The following ADHFE1 variants were observed in gnomAD, a reference collection of about 807,000 sequenced individuals.
The protein encoded by ADHFE1 is hydroxyacid-oxoacid transhydrogenase, mitochondrial.
In ADHFE1, 37 loss-of-function variants were observed where a neutral mutation model predicts 54.8. That is an observed-to-expected ratio of 0.68 (90% CI 0.52 to 0.89). ADHFE1 has a LOEUF of 0.89. Ranked by LOEUF, ADHFE1 falls within the 40% of genes least tolerant of loss-of-function variation. The probability of loss-of-function intolerance (pLI) is 0.00; values close to 1 mark genes in which losing one functional copy is unlikely to be tolerated. For synonymous variants in ADHFE1, 203 were observed against 229.3 expected (o/e 0.89, Z 1.04); for missense variants, 601 against 591.2 (o/e 1.02, Z -0.17).
chr8:66,459,732 A>C (rs1455546186), intron 12 of ADHFE1, among the ~76,000 whole-genome samples: 1 of 152,154 alleles, frequency 6.6e-6, no homozygotes, highest in Non-Finnish European at 1.5e-5. Context: ...TTGGCAACAG[A>C]ATCTAAAATT....
At chr8:66,456,794 T>C in intron 10 of ADHFE1, 23 bp from the exon 11 acceptor site, 3 of 1,573,308 alleles carry the variant, frequency 1.9e-6, no homozygotes, top group Non-Finnish European at 2.6e-6. Flanking sequence ...TGTATGAACA[T>C]AAGGATTTTC....
rs772246039 is a variant in ADHFE1, at chr8:66,451,993, C to A, written c.775C>A (p.Arg259=). 7 of 1,614,172 alleles carry A rather than the reference C, an allele frequency of 4.3e-6. No homozygotes were observed. Among genetic ancestry groups the A allele is most frequent in the Non-Finnish European group, 8.5e-7 (1 of 1,180,016 alleles). The change falls in exon 9 of 14, where the codon CGG becomes AGG. Residue 259 remains arginine (R), a synonymous_variant. Transcript: ENST00000396623. The part of the protein sequence containing the change: ...ESYTTLPYHL[R]SPCPSNPITR... The stretch of plus-strand genomic sequence containing the variant: ...ATACACCACCCTGCCCTACCACCTG[C>A]GGAGCCCCTGCCCTTCAAATCCCAT...
rs1282022008 is a variant in ADHFE1 at position 66,442,798 on chromosome 8, C to T, written c.98C>T (p.Ala33Val). 2 of 1,597,898 alleles carry T rather than the reference C, an allele frequency of 1.3e-6. No homozygotes were observed. The highest frequency in any genetic ancestry group is 1.7e-6 in the Non-Finnish European group (2 of 1,175,776). The change falls in exon 3 of 14, where the codon GCC (alanine) becomes GTC (valine). Residue 33 changes from alanine (A) to valine (V), a missense_variant and splice_region_variant. Coordinates refer to ENST00000396623, the MANE Select transcript of ADHFE1 (RefSeq NM_144650.3). The stretch of plus-strand genomic sequence containing the variant: ...TTGATGCTAACTTTTACATTTCTAG[C>T]CCCTGGACTTTCACCTTCTGGGAAA... ...CPTHSHTYSQ[A>V]PGLSPSGKTT... is the part of the protein sequence containing the mutation.
chr8:66,434,853 C>A (rs1023104352), intron 1 of ADHFE1, among the ~76,000 whole-genome samples: 2 of 152,158 alleles, frequency 1.3e-5, no homozygotes, highest in South Asian at 4.1e-4. Context: ...GTGGTGGGTG[C>A]CCATAGTCCC....
At chr8:66,444,450 A>G (rs1303594847) in intron 4 of ADHFE1, 30 bp downstream of exon 4, 2 of 1,612,258 alleles carry the variant, frequency 1.2e-6, no homozygotes, top group East Asian at 2.2e-5. Flanking sequence ...ACGGTCTCCT[A>G]CTGTAAATGT....
chr8:66,440,298 G>C, intron 2 of ADHFE1, 99 bp downstream of exon 2: 2 of 1,104,716 alleles, frequency 1.8e-6, no homozygotes, highest in Non-Finnish European at 2.7e-6. Flanking sequence ...CAAGGCATGT[G>C]AGAGCAAGGT....
At position 66,444,330 on chromosome 8, in the gene ADHFE1, A is replaced by G. The variant is rs1200307488; in HGVS notation, c.145-37A>G. ...TTAGAAATGGACTGGCCAACTCTCA[A>G]ATACTCCCTACACCTAAACCTTTTT... On this transcript the variant is annotated intron_variant, in intron 3 of 13. Transcript: ENST00000396623. 5 of 1,605,224 alleles carry G rather than the reference A, an allele frequency of 3.1e-6. No homozygotes were observed. The South Asian group carries it at 4.4e-5, about 14-fold the overall frequency.
At position 66,440,200 on chromosome 8, in the gene ADHFE1, G is replaced by A; in HGVS notation, c.97+1G>A. 5 of 1,610,920 alleles carry A rather than the reference G, an allele frequency of 3.1e-6. No individual in the cohort carries two copies. Among genetic ancestry groups the A allele is most frequent in the Non-Finnish European group, 4.2e-6 (5 of 1,179,082 alleles). On this transcript the variant is annotated splice_donor_variant, in intron 2 of 13. Coordinates refer to ENST00000396623, the MANE Select transcript of ADHFE1 (RefSeq NM_144650.3). LOFTEE classifies it high-confidence loss of function. ...ACTCATTCTCATACTTACTCCCAAG[G>A]TAATACTTCTGTATTTTTAAACTAG... is the stretch of plus-strand genomic sequence containing the variant.
At chr8:66,453,444 T>C (rs190897601) in intron 9 of ADHFE1, among the ~76,000 whole-genome samples, 93 of 152,342 alleles carry the variant, frequency 6.1e-4, no homozygotes, top group Non-Finnish European at 1.2e-3. Context: ...GGCAAGGTTT[T>C]AGCAGTGAGT....
In ADHFE1 at chr8:66,442,819, G is replaced by A. The variant is rs779475306; in HGVS notation, c.119G>A (p.Gly40Glu). 7 of 1,592,748 alleles carry A rather than the reference G, an allele frequency of 4.4e-6. No individual in the cohort carries two copies. In the South Asian group the frequency reaches 8.2e-5, roughly 19 times the overall value. Reference sequence around the variant, plus strand: ...CTAGCCCCTGGACTTTCACCTTCTGGGAAAACAACAGATTATGCCTTTGAG... The same window carrying A: ...CTAGCCCCTGGACTTTCACCTTCTGAGAAAACAACAGATTATGCCTTTGAG... ...YSQAPGLSPS[G>E]KTTDYAFEMA... Residue 40 changes from glycine (G) to glutamate (E), a missense_variant, in exon 3 of 14, where the codon GGG becomes GAG. By Grantham distance (98) the Gly-to-Glu change is moderately conservative (BLOSUM62 -2). Coordinates refer to ENST00000396623, the MANE Select transcript of ADHFE1 (RefSeq NM_144650.3).
intron 1 of ADHFE1, among the ~76,000 whole-genome samples, chr8:66,433,085 C>A (rs1436123670): frequency 6.6e-6 from 1 of 152,142 alleles, no homozygotes; most frequent in East Asian, 1.9e-4. Context: ...CGCAGAGTCA[C>A]ACTTCCTGGC....
In ADHFE1 at chr8:66,439,381, C is replaced by A. The variant is rs913773219; in HGVS notation, c.60-781C>A. ...AGAGAGCGAGCAGGAGAAAGAGAAG[C>A]CAGAGGAGAGACTGGGACTGTCCAG... is the stretch of plus-strand genomic sequence containing the variant. On this transcript the variant is annotated intron_variant, in intron 1 of 13. Coordinates refer to ENST00000396623, the MANE Select transcript of ADHFE1 (RefSeq NM_144650.3). The surrounding 1 kb of genome is among the most constrained non-coding windows in gnomAD (Gnocchi z 4.4). 1.0e-6 allele frequency: 1 copy of A among 985,666 alleles called. No individual in the cohort carries two copies. The highest frequency in any genetic ancestry group is 1.2e-6 in the Non-Finnish European group (1 of 830,126). The allele number at this position is 985,666 out of a possible 1,614,324, so 61.1% of individuals were successfully genotyped here.
At chr8:66,453,952 A>C in intron 9 of ADHFE1, 107 bp from the exon 10 acceptor site, 9 of 1,541,114 alleles carry the variant, frequency 5.8e-6, no homozygotes, top group Non-Finnish European at 7.8e-6. Flanking sequence ...CTTCCTACCG[A>C]GTAGCATTTC....
Position 66,450,488 on chromosome 8 carries a change from G to A in ADHFE1, c.735-1465G>A, listed in dbSNP as rs569379909. Among the ~76,000 whole-genome samples the A allele has an allele frequency of 1.6e-4, 25 of 152,332 alleles. No homozygotes were observed. The East Asian group carries it at 3.5e-3, about 21-fold the overall frequency. On this transcript the variant is annotated intron_variant, in intron 8 of 13. Coordinates refer to ENST00000396623, the MANE Select transcript of ADHFE1 (RefSeq NM_144650.3). ...TGGACAAGCCATGTATTAAATCTTC[G>A]AGGTAACTCCCCTCATTAGGACTCC... is the stretch of plus-strand genomic sequence containing the variant.
intron 13 of ADHFE1, among the ~76,000 whole-genome samples, chr8:66,467,184 G>A (rs1352788379): frequency 1.3e-5 from 2 of 152,106 alleles, no homozygotes; most frequent in African/African-American, 2.4e-5. Context: ...GGTGAGAAGC[G>A]CTCTGACTGG....
At chr8:66,461,946 G>A (rs576836268) in intron 13 of ADHFE1, among the ~76,000 whole-genome samples, 21 of 151,960 alleles carry the variant, frequency 1.4e-4, no homozygotes, top group African/African-American at 4.3e-4. Flanking sequence ...TAACCCATAC[G>A]TCCAAGGGAC....
At chr8:66,444,567 G>A in intron 4 of ADHFE1, 27 bp from the exon 5 acceptor site, 1 of 1,613,402 alleles carries the variant, frequency 6.2e-7, no homozygotes. Flanking sequence ...TAGTGGAGTT[G>A]AACCTAACTT....
intron 8 of ADHFE1, among the ~76,000 whole-genome samples, chr8:66,450,130 A>G (rs1806226133): frequency 6.6e-6 from 1 of 152,186 alleles, no homozygotes; most frequent in Non-Finnish European, 1.5e-5. Flanking sequence ...TCACTATGTT[A>G]TGCTGCCTGC....
At chr8:66,464,882 C>T (rs1193556301) in intron 13 of ADHFE1, among the ~76,000 whole-genome samples, 2 of 152,180 alleles carry the variant, frequency 1.3e-5, no homozygotes, top group African/African-American at 4.8e-5. Flanking sequence ...CTCCCCTTCT[C>T]ACAGCCCCTG....
Sources: gnomAD v4.1 joint callset for allele counts (sites outside exome capture counted in the v4.1 genomes callset) on GRCh38, gnomAD v4.1.1 for gene constraint, Gnocchi (gnomAD v3.1) non-coding constraint, MANE v1.5 for transcripts, NCBI Gene and HGNC (gene_info 2026-07-23, HGNC 2026-07-21) for gene names.